The following LTBP1 variants were observed in gnomAD, a reference collection of about 807,000 sequenced individuals.
LTBP1 encodes latent-transforming growth factor beta-binding protein 1.
Under a neutral mutation model 207.6 loss-of-function variants are expected in LTBP1, and 129 were observed. That is an observed-to-expected ratio of 0.62 (90% CI 0.54 to 0.72). The LOEUF (loss-of-function observed/expected upper bound fraction) is 0.72, where lower values mean the gene tolerates loss of function less well. Ranked by LOEUF, LTBP1 falls within the 30% of genes least tolerant of loss-of-function variation. The pLI is 0.00. For missense variants in LTBP1, 2,281 were observed against 2,217.2 expected (o/e 1.03, Z -0.58); for synonymous variants, 963 against 833.7 (o/e 1.16, Z -2.67).
intron 3 of LTBP1, among the ~76,000 whole-genome samples, chr2:33,026,510 TA>T (rs2075420779): frequency 6.6e-6 from 1 of 152,248 alleles, no homozygotes; most frequent in South Asian, 2.1e-4. Context: ...TCTCTTGGAA[TA>T]ATAGCATTTG....
intron 13 of LTBP1, among the ~76,000 whole-genome samples, chr2:33,260,403 T>A (rs1213765200): frequency 1.3e-5 from 2 of 152,224 alleles, no homozygotes; most frequent in East Asian, 1.9e-4. Context: ...TCCTTCTGCA[T>A]AATAATTACA....
chr2:33,343,004 C>T (rs572313113), intron 25 of LTBP1, 41 bp downstream of exon 25: 16 of 1,584,376 alleles, frequency 1.0e-5, no homozygotes, highest in South Asian at 2.3e-5. Flanking sequence ...TCACATGTCC[C>T]TAGGGAAAAG....
intron 16 of LTBP1, 130 bp downstream of exon 16, chr2:33,273,911 T>C: frequency 1.5e-6 from 1 of 674,280 alleles, no homozygotes; most frequent in Admixed American, 4.2e-5. Flanking sequence ...GTTTATCCCT[T>C]AGCTAAGGGA....
intron 9 of LTBP1, among the ~76,000 whole-genome samples, chr2:33,239,453 G>C (rs2092209746): frequency 6.6e-6 from 1 of 152,114 alleles, no homozygotes. Flanking sequence ...CTTCTTCAAA[G>C]GACAGACTTC....
At chr2:32,968,727 CTTTTTT>C (rs1431607859) in intron 2 of LTBP1, among the ~76,000 whole-genome samples, 1 of 136,816 alleles carries the variant, frequency 7.3e-6, no homozygotes, top group South Asian at 2.3e-4. Flanking sequence ...TTTTTCCTGC[CTTTTTT>C]TTTTTTTTAA....
chr2:33,061,826 G>A (rs370718810), intron 3 of LTBP1, among the ~76,000 whole-genome samples: 1 of 152,100 alleles, frequency 6.6e-6, no homozygotes, highest in South Asian at 2.1e-4. Context: ...AAGTACCTAG[G>A]AGTAGAATTT....
At chr2:33,146,154 G>C (rs1222738599) in intron 5 of LTBP1, among the ~76,000 whole-genome samples, 1 of 152,102 alleles carries the variant, frequency 6.6e-6, no homozygotes, top group Non-Finnish European at 1.5e-5. Context: ...TAGGAGTTTG[G>C]GCTCTATTTC....
chr2:33,196,782 T>C (rs2088619286), intron 7 of LTBP1, among the ~76,000 whole-genome samples: 2 of 152,178 alleles, frequency 1.3e-5, no homozygotes, highest in South Asian at 4.1e-4. Context: ...TTGATTAATA[T>C]TAGGAAGGGT....
At position 33,018,972 on chromosome 2, in the gene LTBP1, C is replaced by T. The variant is rs1010412547; in HGVS notation, c.566-1937C>T. ...TTAGAAAAATCATTACTTGCTGTAA[C>T]GAATAGGCATCATATTGTAGGAAGA... is the stretch of plus-strand genomic sequence containing the variant. On this transcript the variant is annotated intron_variant, in intron 2 of 33. Transcript: ENST00000404816. Among the ~76,000 whole-genome samples the T allele has an allele frequency of 3.9e-5, 6 of 152,072 alleles. No homozygotes were observed. The East Asian group carries it at 9.7e-4, about 24-fold the overall frequency.
At chr2:33,014,343 G>A (rs926274565) in intron 2 of LTBP1, among the ~76,000 whole-genome samples, 1 of 152,064 alleles carries the variant, frequency 6.6e-6, no homozygotes, top group African/African-American at 2.4e-5. Flanking sequence ...TTTGGATTTG[G>A]TACAAGGAGC....
intron 20 of LTBP1, among the ~76,000 whole-genome samples, chr2:33,299,040 AC>A (rs1260063859): frequency 1.3e-5 from 2 of 152,056 alleles, no homozygotes; most frequent in Non-Finnish European, 1.5e-5. Flanking sequence ...CTTTGGGAGA[AC>A]GAGGCAGGCG....
intron 4 of LTBP1, among the ~76,000 whole-genome samples, chr2:33,113,650 C>G: frequency 6.6e-6 from 1 of 152,290 alleles, no homozygotes; most frequent in East Asian, 1.9e-4. Context: ...TAGTCACTTT[C>G]TAGGTAACTT....
At chr2:33,334,603 A>G (rs142336299) in intron 24 of LTBP1, among the ~76,000 whole-genome samples, 52 of 152,292 alleles carry the variant, frequency 3.4e-4, no homozygotes, top group Admixed American at 2.9e-3. Flanking sequence ...TGACTCCCAC[A>G]TTTTTGGGTA....
chr2:33,130,769 C>A (rs1186462195), intron 4 of LTBP1, among the ~76,000 whole-genome samples: 2 of 152,052 alleles, frequency 1.3e-5, no homozygotes, highest in Non-Finnish European at 2.9e-5. Context: ...GACTAGGAGG[C>A]CCAATGGCGG....
chr2:33,149,543 G>T (rs1289764035), intron 5 of LTBP1, among the ~76,000 whole-genome samples: 1 of 152,156 alleles, frequency 6.6e-6, no homozygotes, highest in Non-Finnish European at 1.5e-5. Context: ...TTGCACATGT[G>T]TTGACCTAGT....
At chr2:33,177,806 C>T (rs1485855934) in intron 5 of LTBP1, among the ~76,000 whole-genome samples, 1 of 152,172 alleles carries the variant, frequency 6.6e-6, no homozygotes, top group Non-Finnish European at 1.5e-5. Flanking sequence ...ATGGTGCATA[C>T]CTGTATGAAG....
In LTBP1 at chr2:33,257,031, T is replaced by C. The variant is rs115288798; in HGVS notation, c.2168-253T>C. Among the ~76,000 whole-genome samples, 856 of 151,528 alleles carry C rather than the reference T, an allele frequency of 5.6e-3. 11 individuals are homozygous for C. The highest frequency in any genetic ancestry group is 0.02 in the African/African-American group (819 of 41,374). ...TATATGCTATATATAATATGTATATTCTGATTTGGGTAGGATAAGGAATTA... is the reference window on the plus strand; with the variant it reads ...TATATGCTATATATAATATGTATATCCTGATTTGGGTAGGATAAGGAATTA... On this transcript the variant is annotated intron_variant, in intron 11 of 33. Transcript: ENST00000404816.
intron 2 of LTBP1, among the ~76,000 whole-genome samples, chr2:32,964,981 A>G (rs576282180): frequency 5.3e-5 from 8 of 152,154 alleles, no homozygotes; most frequent in Non-Finnish European, 1.2e-4. Flanking sequence ...TGGAGGTTGC[A>G]GTGAGCTGAG....
At chr2:32,974,433 T>G (rs1572895149) in intron 2 of LTBP1, among the ~76,000 whole-genome samples, 1 of 152,314 alleles carries the variant, frequency 6.6e-6, no homozygotes, top group Non-Finnish European at 1.5e-5. Flanking sequence ...GATGGGATTA[T>G]TAGTATTTTT....
Sources: gnomAD v4.1 joint callset for allele counts (sites outside exome capture counted in the v4.1 genomes callset) on GRCh38, gnomAD v4.1.1 for gene constraint, MANE v1.5 for transcripts, NCBI Gene and HGNC (gene_info 2026-07-23, HGNC 2026-07-21) for gene names.